The following PDGFRB variants were observed in gnomAD, a reference collection of about 807,000 sequenced individuals.
PDGFRB encodes platelet-derived growth factor receptor beta.
PDGFRB carries 42 observed loss-of-function variants against 120.2 expected under a neutral mutation model. That is an observed-to-expected ratio of 0.35 (90% confidence interval 0.27 to 0.45). The LOEUF (loss-of-function observed/expected upper bound fraction) is 0.45, where lower values mean the gene tolerates loss of function less well. Ranked by LOEUF, PDGFRB falls within the 20% of genes least tolerant of loss-of-function variation. The pLI is 1.00. For synonymous variants in PDGFRB, 586 were observed against 606.8 expected, an observed-to-expected ratio of 0.97 and a Z score of 0.50; for missense variants, 1,149 against 1,476.3, an observed-to-expected ratio of 0.78 and a Z score of 3.63.
chr5:150,153,141 G>A (rs1056177329), intron 1 of PDGFRB, among the ~76,000 whole-genome samples: 5 of 152,230 alleles, frequency 3.3e-5, no homozygotes, highest in Non-Finnish European at 5.9e-5. Context: ...CAAGCACTGG[G>A]TCTCCTGACT....
chr5:150,119,672 AG>A, intron 19 of PDGFRB, 106 bp from the exon 20 acceptor site: 1 of 739,866 alleles, frequency 1.4e-6, no homozygotes, highest in Non-Finnish European at 2.4e-6. Context: ...GGTATGGGTA[AG>A]GGGGCAGTGC....
chr5:150,117,542 GCGCACACA>G lies in PDGFRB; in HGVS notation c.3137+68_3137+75del, dbSNP rs1180968824. The G allele has an allele frequency of 6.1e-4, 284 of 463,314 alleles. 1 individual carries two copies. The African/African-American group carries it at 6.7e-3, about 11-fold the overall frequency. 28.7% of individuals were successfully genotyped at this position (463,314 alleles called of 1,614,324 possible). A position where few individuals can be genotyped will look rare whatever the true frequency, so the allele number is the denominator to read the frequency against. ...CAAACCTGGCAGCGCGCGCGCGCGC[GCGCACACA>G]CACACACACACACACACACACACAC... On this transcript the variant is annotated intron_variant, in intron 22 of 22. Coordinates refer to ENST00000261799, the MANE Select transcript of PDGFRB (RefSeq NM_002609.4).
chr5:150,130,668 T>A lies in PDGFRB; in HGVS notation c.1244-6A>T, dbSNP rs1760439874. 6.2e-7 allele frequency: 1 copy of A among 1,612,580 alleles called. No homozygotes were observed. Reference sequence around the variant, plus strand: ...CTCCAGCACTCGGACAGGGACTGCATGGAGAGAGCACTGAGTTAGGAGGCG... The same window carrying A: ...CTCCAGCACTCGGACAGGGACTGCAAGGAGAGAGCACTGAGTTAGGAGGCG... On this transcript the variant is annotated splice_region_variant and splice_polypyrimidine_tract_variant and intron_variant, in intron 8 of 22. Transcript: ENST00000261799.
intron 1 of PDGFRB, among the ~76,000 whole-genome samples, chr5:150,148,312 T>C (rs1562029071): frequency 6.6e-6 from 1 of 152,208 alleles, no homozygotes; most frequent in Admixed American, 6.5e-5. Context: ...AGGCCTACAG[T>C]AGGTGCTCAG....
chr5:150,117,552 A>AGTG (rs1759993831), intron 22 of PDGFRB, 66 bp downstream of exon 22: 1 of 707,960 alleles, frequency 1.4e-6, no homozygotes, highest in African/African-American at 2.8e-5. Context: ...GCGCACACAC[A>AGTG]CACACACACA....
intron 22 of PDGFRB, among the ~76,000 whole-genome samples, chr5:150,117,328 G>A (rs1179628598): frequency 6.6e-6 from 1 of 152,170 alleles, no homozygotes; most frequent in African/African-American, 2.4e-5. Context: ...CTAGAGATAA[G>A]AGAGTATAGA....
Position 150,114,188 on chromosome 5 carries a change from G to A in PDGFRB, c.*1575C>T, listed in dbSNP as rs1034504744. ...CCCCTGGCACCTCCAATGCCCACTG[G>A]GCTGGGGACAATGAGATGTCACTGC... On this transcript the variant is annotated 3_prime_UTR_variant, in exon 23 of 23. Coordinates refer to ENST00000261799, the MANE Select transcript of PDGFRB (RefSeq NM_002609.4). The A allele has an allele frequency of 4.3e-6, 1 of 233,206 alleles. No homozygotes were observed. The highest frequency in any genetic ancestry group is 5.6e-5 in the Admixed American group (1 of 17,778). 14.4% of individuals were successfully genotyped at this position (233,206 alleles called of 1,614,324 possible). A position where few individuals can be genotyped will look rare whatever the true frequency, so the allele number is the denominator to read the frequency against.
At chr5:150,151,922 C>T (rs896237488) in intron 1 of PDGFRB, among the ~76,000 whole-genome samples, 5 of 147,462 alleles carry the variant, frequency 3.4e-5, no homozygotes, top group African/African-American at 5.2e-5. Flanking sequence ...GTTGCTGTGA[C>T]GGTTTATTTA....
chr5:150,154,855 T>C (rs1761187327), intron 1 of PDGFRB, among the ~76,000 whole-genome samples: 1 of 152,222 alleles, frequency 6.6e-6, no homozygotes, highest in African/African-American at 2.4e-5. Flanking sequence ...CAAACTTTTC[T>C]AGCTGCTGGG....
Position 150,132,730 on chromosome 5 carries a change from T to C in PDGFRB, c.1127+20A>G, listed in dbSNP as rs779835378. 6.2e-7 allele frequency: 1 copy of C among 1,604,512 alleles called. No individual in the cohort carries two copies. The highest frequency in any genetic ancestry group is 8.5e-7 in the Non-Finnish European group (1 of 1,173,748). ...AAGAAAAATAACTTCAAGAATGGGA[T>C]GGGAGAGCGAGCTGCTCACCGGGTC... is the stretch of plus-strand genomic sequence containing the variant. On this transcript the variant is annotated intron_variant, in intron 7 of 22. Coordinates refer to ENST00000261799, the MANE Select transcript of PDGFRB (RefSeq NM_002609.4). The surrounding 1 kb of genome is among the most constrained non-coding windows in gnomAD (Gnocchi z 5.0).
chr5:150,115,452 C>T lies in PDGFRB; in HGVS notation c.*311G>A, dbSNP rs1223243325. The T allele has an allele frequency of 3.5e-6, 1 of 288,632 alleles. No homozygotes were observed. Among genetic ancestry groups the T allele is most frequent in the Non-Finnish European group, 6.4e-6 (1 of 156,446 alleles). The allele number at this position is 288,632 out of a possible 1,614,324, so 17.9% of individuals were successfully genotyped here. The stretch of plus-strand genomic sequence containing the variant: ...CCCACCTGTCAGCCAGGGAGAGAAT[C>T]CTAGATTCTGGGTCATCAAGCCTAA... On this transcript the variant is annotated 3_prime_UTR_variant, in exon 23 of 23. Coordinates refer to ENST00000261799, the MANE Select transcript of PDGFRB (RefSeq NM_002609.4).
chr5:150,127,833 TAAAAAAAAAAAAA>T (rs56899708), intron 10 of PDGFRB, among the ~76,000 whole-genome samples: 1,210 of 62,478 alleles, frequency 0.019, 69 homozygotes, highest in South Asian at 0.17. Flanking sequence ...GACTCCATCT[TAAAAAAAAAAAAA>T]AAAAAAAAAA....
intron 2 of PDGFRB, among the ~76,000 whole-genome samples, chr5:150,136,444 G>T (rs1390465108): frequency 6.6e-6 from 1 of 152,192 alleles, no homozygotes; most frequent in African/African-American, 2.4e-5. Flanking sequence ...CCCTGGAGAA[G>T]GATTTTTCAG....
At position 150,115,744 on chromosome 5, in the gene PDGFRB, C is replaced by A; in HGVS notation, c.*19G>T. 1 of 1,558,006 alleles carries A rather than the reference C, an allele frequency of 6.4e-7. No homozygotes were observed. Among genetic ancestry groups the A allele is most frequent in the South Asian group, 1.2e-5 (1 of 83,250 alleles). ...GGCAGGGGGGGAGCTTCAGGCAGGG[C>A]AGGGTAGGGGCCAGCCCCCTACAGG... On this transcript the variant is annotated 3_prime_UTR_variant, in exon 23 of 23. Transcript: ENST00000261799.
At position 150,133,674 on chromosome 5, in the gene PDGFRB, C is replaced by G. The variant is rs774591563; in HGVS notation, c.846G>C (p.Glu282Asp). The G allele has an allele frequency of 1.2e-6, 2 of 1,613,958 alleles. No individual in the cohort carries two copies. Among genetic ancestry groups the G allele is most frequent in the South Asian group, 2.2e-5 (2 of 91,072 alleles). The part of the protein sequence containing the change: ...IRSILHIPSA[E>D]LEDSGTYTCN... ...AGGTGTAGGTCCCCGAGTCTTCTAACTCGGCACTGGGGATGTGCAGGATGG... is the reference window on the plus strand; with the variant it reads ...AGGTGTAGGTCCCCGAGTCTTCTAAGTCGGCACTGGGGATGTGCAGGATGG... Residue 282 changes from glutamate (E) to aspartate (D), a missense_variant, in exon 6 of 23, where the codon GAG becomes GAC. Physicochemically the swap from Glu to Asp is conservative, Grantham distance 45 (BLOSUM62 2). Around this residue, in one of 3 missense-constraint regions of PDGFRB, gnomAD observed 879 missense variants for 1,108.6 expected, o/e 0.79. Coordinates refer to ENST00000261799, the MANE Select transcript of PDGFRB (RefSeq NM_002609.4).
Position 150,132,095 on chromosome 5 carries a change from C to G in PDGFRB, c.1128-1G>C, listed in dbSNP as rs1760482210. 2 of 1,547,350 alleles carry G rather than the reference C, an allele frequency of 1.3e-6. No individual in the cohort carries two copies. The highest frequency in any genetic ancestry group is 1.7e-5 in the Admixed American group (1 of 59,808). ...AACCAGTGTCAGCTCTGACACATAC[C>G]TGGGGAGCAGGAAAGGCAGCTGTCA... On this transcript the variant is annotated splice_acceptor_variant, in intron 7 of 22. Transcript: ENST00000261799. LOFTEE classifies it high-confidence loss of function. This position sits in a 1 kb window ranked among gnomAD's most constrained non-coding sequence, Gnocchi z 5.0.
At chr5:150,117,548 A>ACGCG (rs869085223) in intron 22 of PDGFRB, 70 bp downstream of exon 22, 474 of 424,862 alleles carry the variant, frequency 1.1e-3, no homozygotes, top group Admixed American at 5.0e-3. Context: ...GCGCGCGCAC[A>ACGCG]CACACACACA....
intron 21 of PDGFRB, 58 bp from the exon 22 acceptor site, chr5:150,117,908 C>G: frequency 1.1e-6 from 1 of 944,138 alleles, no homozygotes; most frequent in Non-Finnish European, 1.7e-6. Context: ...GAAATGCCTT[C>G]AGGGATCTTC....
intron 1 of PDGFRB, among the ~76,000 whole-genome samples, chr5:150,149,071 C>T (rs1761003601): frequency 6.6e-6 from 1 of 152,202 alleles, no homozygotes; most frequent in Non-Finnish European, 1.5e-5. Flanking sequence ...CTCTGGACCA[C>T]CAACTTTTCA....
Sources: gnomAD v4.1 joint callset for allele counts (sites outside exome capture counted in the v4.1 genomes callset) on GRCh38, gnomAD v4.1.1 for gene constraint, gnomAD v4.1.1 regional missense constraint, Gnocchi (gnomAD v3.1) non-coding constraint, MANE v1.5 for transcripts, NCBI Gene and HGNC (gene_info 2026-07-23, HGNC 2026-07-21) for gene names.